SFSWAP: variants seen among roughly 807,000 people sequenced by gnomAD.
SFSWAP encodes the protein splicing factor SWAP.
SFSWAP carries 17 observed loss-of-function variants against 100.7 expected under a neutral mutation model. The observed-to-expected ratio is 0.17, with a 90% CI of 0.12 to 0.25. The LOEUF is 0.25. SFSWAP is among the 10% of genes least tolerant of loss of function. The probability of loss-of-function intolerance (pLI) is 1.00; values close to 1 mark genes in which losing one functional copy is unlikely to be tolerated. For missense variants in SFSWAP, 1,005 were observed against 1,262.6 expected (o/e 0.80, Z 3.09); for synonymous variants, 504 against 510.1 (o/e 0.99, Z 0.16).
chr12:131,798,844 C>T (rs1200745740), intron 16 of SFSWAP, among the ~76,000 whole-genome samples, 193 bp from the exon 17 acceptor site: 12 of 151,598 alleles, frequency 7.9e-5, no homozygotes, highest in African/African-American at 2.7e-4. Context: ...GAGCTGAGAA[C>T]GTGCCATTGC....
intron 6 of SFSWAP, among the ~76,000 whole-genome samples, chr12:131,727,644 GA>G (rs879273470): frequency 4.0e-5 from 6 of 151,016 alleles, no homozygotes; most frequent in African/African-American, 9.7e-5. Context: ...GACTCAAAAA[GA>G]AAAAAAAATT....
chr12:131,724,908 C>G (rs1160111921), intron 4 of SFSWAP, among the ~76,000 whole-genome samples: 1 of 152,202 alleles, frequency 6.6e-6, no homozygotes, highest in Non-Finnish European at 1.5e-5. Context: ...ATGGCGTACT[C>G]TTGTGGCTTT....
intron 7 of SFSWAP, among the ~76,000 whole-genome samples, chr12:131,731,649 CT>C (rs1242065473): frequency 6.6e-6 from 1 of 152,160 alleles, no homozygotes; most frequent in African/African-American, 2.4e-5. Context: ...AGAGGGAACA[CT>C]GGTCATAGTT....
chr12:131,714,995 G>A lies in SFSWAP; in HGVS notation c.520+42G>A, dbSNP rs765123666. ...CTGGACTGCTGGTGTAGGGCTACAC[G>A]TGTACGCACAGGCTGCATGCACCGT... On this transcript the variant is annotated intron_variant, in intron 3 of 17. Coordinates refer to ENST00000261674, the MANE Select transcript of SFSWAP (RefSeq NM_004592.4). The surrounding 1 kb of genome is among the most constrained non-coding windows in gnomAD (Gnocchi z 6.0). 3.7e-6 allele frequency: 6 copies of A among 1,608,456 alleles called. No homozygotes were observed. In the African/African-American group the frequency reaches 5.3e-5, roughly 14 times the overall value.
chr12:131,797,293 G>A lies in SFSWAP; in HGVS notation c.2650G>A (p.Ala884Thr). 2 of 1,611,480 alleles carry A rather than the reference G, an allele frequency of 1.2e-6. No homozygotes were observed. Among genetic ancestry groups the A allele is most frequent in the Non-Finnish European group, 1.7e-6 (2 of 1,179,114 alleles). Residue 884 changes from alanine to threonine, a missense_variant, in exon 16 of 18, where the codon GCC becomes ACC. By Grantham distance (58) the Ala-to-Thr change is moderately conservative. Transcript: ENST00000261674. Reference sequence around the variant, plus strand: ...AGCGCCCCGGCCCGCGGCCCCCGCGGCCCACTCGGCGCACTCAGCCAGCGT... The same window carrying A: ...AGCGCCCCGGCCCGCGGCCCCCGCGACCCACTCGGCGCACTCAGCCAGCGT... ...QAAPRPAAPA[A>T]HSAHSASVSP...
intron 10 of SFSWAP, among the ~76,000 whole-genome samples, chr12:131,756,034 A>G (rs1317313289): frequency 6.6e-6 from 1 of 152,168 alleles, no homozygotes; most frequent in Non-Finnish European, 1.5e-5. Context: ...ACACCCTGAC[A>G]TTTTTGTAAA....
chr12:131,797,762 C>T lies in SFSWAP; in HGVS notation c.2717+402C>T, dbSNP rs181471323. Among the ~76,000 whole-genome samples, 10 of 152,366 alleles carry T rather than the reference C, an allele frequency of 6.6e-5. No individual in the cohort carries two copies. The South Asian group carries it at 8.3e-4, about 13-fold the overall frequency. On this transcript the variant is annotated intron_variant, in intron 16 of 17. Coordinates refer to ENST00000261674, the MANE Select transcript of SFSWAP (RefSeq NM_004592.4). ...GGCTGCAACGGCCAGGGCCAAATGA[C>T]GCCAACCTGTCACCGGGCATCACAC...
intron 11 of SFSWAP, among the ~76,000 whole-genome samples, chr12:131,759,935 A>C (rs1882513735): frequency 6.6e-6 from 1 of 152,246 alleles, no homozygotes; most frequent in African/African-American, 2.4e-5. Context: ...TGGCTTTCTC[A>C]GATGCCGAGA....
intron 14 of SFSWAP, among the ~76,000 whole-genome samples, chr12:131,779,318 C>T (rs1884312113): frequency 1.1e-5 from 1 of 92,816 alleles, no homozygotes; most frequent in Non-Finnish European, 2.3e-5. Context: ...GGCGCTGGTG[C>T]AGAATGTTTC....
chr12:131,769,452 TGTC>T (rs752968865), intron 13 of SFSWAP, among the ~76,000 whole-genome samples: 1 of 152,202 alleles, frequency 6.6e-6, no homozygotes, highest in Admixed American at 6.5e-5. Flanking sequence ...TATACGTGTA[TGTC>T]GTCATAAAAT....
At chr12:131,757,445 A>G (rs1882278953) in intron 11 of SFSWAP, 2 of 152,406 alleles carry the variant, frequency 1.3e-5, no homozygotes, top group South Asian at 2.1e-4. Context: ...GCTTTAGGTC[A>G]GCGGAATAAC....
At chr12:131,754,288 C>A in intron 8 of SFSWAP, 80 bp from the exon 9 acceptor site, 2 of 1,133,020 alleles carry the variant, frequency 1.8e-6, no homozygotes, top group Non-Finnish European at 2.4e-6. Flanking sequence ...GCATCTGAGG[C>A]GGTGAGGACC....
At chr12:131,750,989 A>T (rs963482770) in intron 7 of SFSWAP, among the ~76,000 whole-genome samples, 2 of 152,222 alleles carry the variant, frequency 1.3e-5, no homozygotes, top group Non-Finnish European at 2.9e-5. Flanking sequence ...TTTTCAAATT[A>T]GCTGACATTT....
intron 6 of SFSWAP, among the ~76,000 whole-genome samples, chr12:131,727,910 T>A (rs1879134215): frequency 6.6e-6 from 1 of 152,234 alleles, no homozygotes; most frequent in Non-Finnish European, 1.5e-5. Context: ...GTGGGTGACC[T>A]TTTGTGGGAA....
At chr12:131,770,199 C>A (rs1378548060) in intron 13 of SFSWAP, among the ~76,000 whole-genome samples, 1 of 152,192 alleles carries the variant, frequency 6.6e-6, no homozygotes, top group African/African-American at 2.4e-5. Context: ...CTGCTTTACT[C>A]GCTGATGTTG....
At chr12:131,776,319 TGCCC>T (rs1446331693) in intron 13 of SFSWAP, among the ~76,000 whole-genome samples, 2 of 152,226 alleles carry the variant, frequency 1.3e-5, no homozygotes, top group Non-Finnish European at 2.9e-5. Flanking sequence ...CCTGCCCTCT[TGCCC>T]GCCGCACACC....
chr12:131,792,992 G>A (rs1348912258), intron 15 of SFSWAP, among the ~76,000 whole-genome samples: 2 of 152,202 alleles, frequency 1.3e-5, no homozygotes, highest in East Asian at 1.9e-4. Flanking sequence ...TAGAGCAGTG[G>A]GATGGAATAG....
At chr12:131,760,371 G>A (rs1011962274) in intron 11 of SFSWAP, among the ~76,000 whole-genome samples, 18 of 152,020 alleles carry the variant, frequency 1.2e-4, no homozygotes, top group African/African-American at 4.1e-4. Flanking sequence ...ATAGACAAAG[G>A]ACATGAAAAT....
chr12:131,777,088 T>C (rs1410605226), intron 13 of SFSWAP, among the ~76,000 whole-genome samples: 1 of 152,256 alleles, frequency 6.6e-6, no homozygotes, highest in Middle Eastern at 3.2e-3. Context: ...CATCGGAGGT[T>C]TGAGGAATCT....
Sources: allele counts gnomAD v4.1 joint callset (sites outside exome capture counted in the v4.1 genomes callset), GRCh38; gene constraint gnomAD v4.1.1; non-coding constraint Gnocchi (gnomAD v3.1); transcripts MANE v1.5; gene names NCBI Gene and HGNC (gene_info 2026-07-23, HGNC 2026-07-21).